Variants in MAML1 observed in about 807,000 individuals in gnomAD.
MAML1 encodes mastermind like transcriptional coactivator 1, also known as mastermind-like protein 1.
Under a neutral mutation model 77.1 loss-of-function variants are expected in MAML1, and 14 were observed. The observed-to-expected ratio is 0.18, with a 90% CI of 0.12 to 0.28. The LOEUF (loss-of-function observed/expected upper bound fraction) is 0.28. Ranked by LOEUF, MAML1 falls within the 10% of genes least tolerant of loss-of-function variation. MAML1 has a pLI of 1.00. For synonymous variants in MAML1, 516 were observed against 551.9 expected, an observed-to-expected ratio of 0.93 and a Z score of 0.91; for missense variants, 1,217 against 1,327.8, an observed-to-expected ratio of 0.92 and a Z score of 1.30.
intron 1 of MAML1, among the ~76,000 whole-genome samples, chr5:179,751,023 G>C (rs1266310291): frequency 6.6e-6 from 1 of 152,132 alleles, no homozygotes; most frequent in East Asian, 1.9e-4. Context: ...CACCAGGCTG[G>C]AGTGCAGTGG....
chr5:179,774,781 T>C lies in MAML1; in HGVS notation c.2955T>C (p.Ser985=), dbSNP rs1756097620. ...SGQPGGSGLS[S]VAGHTDLIDS... is the part of the protein sequence containing the mutation. ...AGCCAGGTGGCAGTGGGCTCTCTAG[T>C]GTGGCTGGACACACCGATCTGATCG... is the stretch of plus-strand genomic sequence containing the variant. Residue 985 remains serine (S), a synonymous_variant, in exon 5 of 5, where the codon AGT becomes AGC. Coordinates refer to ENST00000292599, the MANE Select transcript of MAML1 (RefSeq NM_014757.5). 6.2e-7 allele frequency: 1 copy of C among 1,613,674 alleles called. No individual in the cohort carries two copies. The highest frequency in any genetic ancestry group is 1.3e-5 in the African/African-American group (1 of 74,948).
In MAML1 at chr5:179,774,297, C is replaced by G; in HGVS notation, c.2471C>G (p.Pro824Arg). The G allele has an allele frequency of 1.2e-6, 2 of 1,613,362 alleles. No homozygotes were observed. Among genetic ancestry groups the G allele is most frequent in the Non-Finnish European group, 1.7e-6 (2 of 1,179,984 alleles). The part of the protein sequence containing the change: ...GTLNPGLTKP[P>R]VPRVSPAMGG... ...CTGAACCCTGGTTTAACAAAGCCAC[C>G]GGTCCCAAGGGTGTCACCAGCCATG... The change falls in exon 5 of 5, where the codon CCG becomes CGG. Residue 824 changes from proline to arginine, a missense_variant. Physicochemically the swap from Pro to Arg is moderately radical, Grantham distance 103. Around this residue, in one of 3 missense-constraint regions of MAML1, gnomAD observed 884 missense variants for 949.3 expected, o/e 0.93. Transcript: ENST00000292599.
rs558177276 is a variant in MAML1, at chr5:179,737,743, C to T, written c.315+4316C>T. 6.3e-5 allele frequency among the ~76,000 whole-genome samples: 6 copies of T among 95,858 alleles called. No homozygotes were observed. The East Asian group carries it at 1.7e-3, about 27-fold the overall frequency. The allele number at this position is 95,858 out of a possible 152,430, so 62.9% of individuals were successfully genotyped here. On this transcript the variant is annotated intron_variant, in intron 1 of 4. Coordinates refer to ENST00000292599, the MANE Select transcript of MAML1 (RefSeq NM_014757.5). ...TCTGCTTAGTCTGTTAGAGATGAAT[C>T]AGAAACACTGTTTCAGGCTTTTTCT...
At chr5:179,759,635 G>A (rs186405571) in intron 1 of MAML1, among the ~76,000 whole-genome samples, 2 of 152,326 alleles carry the variant, frequency 1.3e-5, no homozygotes, top group East Asian at 1.9e-4. Context: ...CAGGGCTCCC[G>A]AGTGTCCTGT....
Position 179,765,858 on chromosome 5 carries a change from C to A in MAML1, c.848C>A (p.Ser283Tyr), listed in dbSNP as rs1779806676. ...EDFEEKKDPESSGSATQTPLA... is the reference protein window; with the variant it reads ...EDFEEKKDPEYSGSATQTPLA... ...TTCGAGGAGAAGAAGGACCCAGAGT[C>A]TTCTGGCTCTGCCACACAAACCCCC... Residue 283 changes from serine (S) to tyrosine (Y), a missense_variant, in exon 2 of 5, where the codon TCT becomes TAT. Transcript: ENST00000292599. 3.1e-6 allele frequency: 5 copies of A among 1,614,160 alleles called. No individual in the cohort carries two copies. The highest frequency in any genetic ancestry group is 4.2e-6 in the Non-Finnish European group (5 of 1,180,024).
chr5:179,752,716 C>T (rs1779519630), intron 1 of MAML1, among the ~76,000 whole-genome samples: 1 of 149,272 alleles, frequency 6.7e-6, no homozygotes, highest in South Asian at 2.1e-4. Flanking sequence ...ACGCCATTCT[C>T]CTGCCTCAGC....
chr5:179,765,485 T>G lies in MAML1; in HGVS notation c.475T>G (p.Ser159Ala), dbSNP rs1379981825. 1 of 1,613,670 alleles carries G rather than the reference T, an allele frequency of 6.2e-7. No homozygotes were observed. Among genetic ancestry groups the G allele is most frequent in the Non-Finnish European group, 8.5e-7 (1 of 1,179,940 alleles). Residue 159 changes from serine (S) to alanine (A), a missense_variant, in exon 2 of 5, where the codon TCC becomes GCC. Ser to Ala is a moderately conservative substitution (Grantham distance 99). This residue lies in a region of MAML1 where 312 missense variants were observed against 331.4 expected (regional missense o/e 0.94). Transcript: ENST00000292599. Reference protein sequence around the residue: ...AISSNGLPPASPLGQSDKPSG... With the variant: ...AISSNGLPPAAPLGQSDKPSG... Reference sequence around the variant, plus strand: ...CTCTTCCAATGGACTGCCTCCAGCCTCCCCCCTCGGTCAGTCTGACAAGCC... The same window carrying G: ...CTCTTCCAATGGACTGCCTCCAGCCGCCCCCCTCGGTCAGTCTGACAAGCC...
In MAML1 at chr5:179,776,912, C is replaced by T. The variant is rs1042247963; in HGVS notation, c.*2035C>T. The T allele has an allele frequency of 9.0e-5, 89 of 985,780 alleles. No individual in the cohort carries two copies. Among genetic ancestry groups the T allele is most frequent in the Non-Finnish European group, 2.5e-5 (21 of 829,944 alleles). 61.1% of individuals were successfully genotyped at this position (985,780 alleles called of 1,614,324 possible). ...GAGATGACTTTGCTTCTGTGCACAG[C>T]CCCGTCTTCCAGGAGCCACAACTCA... On this transcript the variant is annotated 3_prime_UTR_variant, in exon 5 of 5. Coordinates refer to ENST00000292599, the MANE Select transcript of MAML1 (RefSeq NM_014757.5).
chr5:179,752,351 A>AAAAAATATC, intron 1 of MAML1, among the ~76,000 whole-genome samples: 1 of 28,692 alleles, frequency 3.5e-5, no homozygotes, highest in African/African-American at 1.7e-4. Context: ...AAAAAAAAAA[A>AAAAAATATC]TATATATATA....
At chr5:179,754,798 C>G (rs1779579823) in intron 1 of MAML1, among the ~76,000 whole-genome samples, 1 of 152,096 alleles carries the variant, frequency 6.6e-6, no homozygotes, top group African/African-American at 2.4e-5. Flanking sequence ...GCTGATGCTA[C>G]TGGCCTGGGA....
rs765752905 is a variant in MAML1 at position 179,774,205 on chromosome 5, C to G, written c.2379C>G (p.Val793=). The stretch of plus-strand genomic sequence containing the variant: ...CCAACGTGGGCCAGAACACCTCCGT[C>G]TCAGCTGCCTATGGGCAGAACTCTC... ...RQTNVGQNTS[V]SAAYGQNSLG... is the part of the protein sequence containing the mutation. Residue 793 remains valine (V), a synonymous_variant, in exon 5 of 5, where the codon GTC becomes GTG. Transcript: ENST00000292599. 1.3e-5 allele frequency: 21 copies of G among 1,613,410 alleles called. No individual in the cohort carries two copies. The highest frequency in any genetic ancestry group is 1.5e-5 in the Non-Finnish European group (18 of 1,179,932).
At chr5:179,744,143 T>G (rs1469455203) in intron 1 of MAML1, among the ~76,000 whole-genome samples, 1 of 152,202 alleles carries the variant, frequency 6.6e-6, no homozygotes, top group East Asian at 1.9e-4. Flanking sequence ...TTATTTATCA[T>G]TCTAGCACAT....
intron 1 of MAML1, among the ~76,000 whole-genome samples, chr5:179,743,017 A>G (rs929629960): frequency 6.6e-6 from 1 of 150,620 alleles, no homozygotes; most frequent in Non-Finnish European, 1.5e-5. Context: ...TGGACAAAAT[A>G]ATGTTGAAAT....
chr5:179,753,639 T>TTTATTA lies in MAML1; in HGVS notation c.316-11675_316-11670dup, dbSNP rs1554150346. On this transcript the variant is annotated intron_variant, in intron 1 of 4. Transcript: ENST00000292599. ...GGAGAAGTGTTTCTGTTTGGGTTGT[T>TTTATTA]TTATTATTATTATTATTTTTTTTTT... Among the ~76,000 whole-genome samples, 104 of 112,514 alleles carry TTTATTA rather than the reference T, an allele frequency of 9.2e-4. 5 individuals are homozygous for TTTATTA. The highest frequency in any genetic ancestry group is 4.8e-3 in the Middle Eastern group (1 of 210). 73.8% of individuals were successfully genotyped at this position (112,514 alleles called of 152,430 possible).
intron 1 of MAML1, among the ~76,000 whole-genome samples, chr5:179,764,995 A>ATATG (rs1318382069): frequency 6.1e-5 from 9 of 147,592 alleles, no homozygotes; most frequent in African/African-American, 2.2e-4. Context: ...TAATATATAT[A>ATATG]TGTGTGTGTG....
intron 1 of MAML1, among the ~76,000 whole-genome samples, chr5:179,748,199 C>T (rs1581929404): frequency 6.6e-6 from 1 of 152,272 alleles, no homozygotes; most frequent in East Asian, 1.9e-4. Context: ...CCTTGTGTCT[C>T]AGCCTCCTGA....
intron 2 of MAML1, among the ~76,000 whole-genome samples, chr5:179,768,481 C>T (rs1167389951): frequency 1.3e-5 from 2 of 152,198 alleles, no homozygotes; most frequent in East Asian, 3.8e-4. Context: ...AGTATTCTTC[C>T]CCTATTGGCC....
intron 1 of MAML1, among the ~76,000 whole-genome samples, chr5:179,750,682 A>G (rs1053445611): frequency 6.6e-6 from 1 of 152,152 alleles, no homozygotes; most frequent in African/African-American, 2.4e-5. Context: ...GCTGGTCTCG[A>G]ACTCCTGAGT....
chr5:179,743,439 T>C (rs1277772012), intron 1 of MAML1, among the ~76,000 whole-genome samples: 1 of 143,416 alleles, frequency 7.0e-6, no homozygotes, highest in Non-Finnish European at 1.5e-5. Context: ...TGATCTCGGC[T>C]CACTGCAAGC....
Sources: gnomAD v4.1 joint callset for allele counts (sites outside exome capture counted in the v4.1 genomes callset) on GRCh38, gnomAD v4.1.1 for gene constraint, gnomAD v4.1.1 regional missense constraint, MANE v1.5 for transcripts, NCBI Gene and HGNC (gene_info 2026-07-23, HGNC 2026-07-21) for gene names.